Variants in PDGFD observed in about 807,000 individuals in gnomAD.
PDGFD encodes platelet-derived growth factor D.
A neutral mutation model predicts 44.7 loss-of-function variants in PDGFD; 30 were observed. The ratio of observed to expected loss-of-function variants is 0.67; its 90% CI spans 0.50 to 0.91. The LOEUF (loss-of-function observed/expected upper bound fraction) is 0.91, where lower values mean the gene tolerates loss of function less well. Among genes scored for constraint, PDGFD ranks in the 40% least tolerant of loss-of-function variants. PDGFD has a pLI of 0.00. For missense variants in PDGFD, 445 were observed against 457.8 expected, an observed-to-expected ratio of 0.97 and a Z score of 0.25; for synonymous variants, 173 against 168.4, an observed-to-expected ratio of 1.03 and a Z score of -0.21.
intron 1 of PDGFD, among the ~76,000 whole-genome samples, chr11:104,035,495 A>G (rs1056632900): frequency 6.8e-6 from 1 of 147,206 alleles, no homozygotes; most frequent in East Asian, 2.0e-4. Context: ...AAGTCAATTT[A>G]AAAAAAAAAA....
At chr11:104,100,784 G>T (rs1369906503) in intron 1 of PDGFD, among the ~76,000 whole-genome samples, 6 of 152,164 alleles carry the variant, frequency 3.9e-5, no homozygotes, top group Non-Finnish European at 7.3e-5. Context: ...TGGGATGCAA[G>T]ACTGGTTCAA....
At chr11:104,109,362 C>T (rs1359499164) in intron 1 of PDGFD, among the ~76,000 whole-genome samples, 1 of 152,024 alleles carries the variant, frequency 6.6e-6, no homozygotes, top group Non-Finnish European at 1.5e-5. Context: ...ATAAGTTAGG[C>T]ACAATAATAG....
intron 5 of PDGFD, among the ~76,000 whole-genome samples, chr11:103,932,205 T>C (rs1272196669): frequency 6.6e-6 from 1 of 152,150 alleles, no homozygotes; most frequent in Non-Finnish European, 1.5e-5. Flanking sequence ...TTTTACTTTT[T>C]GATGGTGCTT....
At chr11:103,952,300 T>C (rs1250719539) in intron 3 of PDGFD, among the ~76,000 whole-genome samples, 3 of 152,264 alleles carry the variant, frequency 2.0e-5, no homozygotes, top group Non-Finnish European at 4.4e-5. Flanking sequence ...AAAACATTTC[T>C]GTTCTTTGGT....
intron 1 of PDGFD, among the ~76,000 whole-genome samples, chr11:104,086,704 A>G (rs926562233): frequency 6.6e-6 from 1 of 152,228 alleles, no homozygotes; most frequent in Non-Finnish European, 1.5e-5. Context: ...CTTTTTTCCC[A>G]GGTCCTCATC....
intron 6 of PDGFD, among the ~76,000 whole-genome samples, chr11:103,922,306 A>G (rs545643): frequency 0.46 from 69,497 of 151,976 alleles, 16,534 homozygotes; most frequent in East Asian, 0.69. Context: ...TCCCTTTAAC[A>G]AAAATCACTA....
intron 1 of PDGFD, among the ~76,000 whole-genome samples, chr11:104,060,936 T>C (rs993540512): frequency 6.6e-6 from 1 of 152,218 alleles, no homozygotes; most frequent in Non-Finnish European, 1.5e-5. Context: ...GCAACCATCA[T>C]CACCAACTAT....
chr11:103,909,706 T>C lies in PDGFD; in HGVS notation c.1101A>G (p.Arg367=). The change falls in exon 7 of 7, where the codon AGA becomes AGG. Residue 367 remains arginine, a synonymous_variant. Coordinates refer to ENST00000393158, the MANE Select transcript of PDGFD (RefSeq NM_025208.5). ...HERCDCICSS[R]PPR is the part of the protein sequence containing the mutation. ...TGTGCACATTCTCTTATCGAGGTGG[T>C]CTTGAGCTGCAGATACAATCACATC... 6.2e-7 allele frequency: 1 copy of C among 1,614,072 alleles called. No individual in the cohort carries two copies. Among genetic ancestry groups the C allele is most frequent in the South Asian group, 1.1e-5 (1 of 91,076 alleles).
At chr11:104,119,230 TATATAATATATTA>T (rs1365500697) in intron 1 of PDGFD, among the ~76,000 whole-genome samples, 10 of 18,446 alleles carry the variant, frequency 5.4e-4, no homozygotes, top group Admixed American at 2.5e-3. Context: ...ATTGATATAA[TATATAATATATTA>T]ATATAATATA....
At chr11:103,943,268 G>A (rs1858614476) in intron 5 of PDGFD, among the ~76,000 whole-genome samples, 184 bp downstream of exon 5, 1 of 152,096 alleles carries the variant, frequency 6.6e-6, no homozygotes. Flanking sequence ...GGAACATTTT[G>A]GAGTTCAGAT....
At chr11:104,110,297 T>C (rs990952656) in intron 1 of PDGFD, among the ~76,000 whole-genome samples, 2 of 151,768 alleles carry the variant, frequency 1.3e-5, no homozygotes, top group Non-Finnish European at 2.9e-5. Context: ...CAATTGATGG[T>C]TTAAAAATTT....
intron 1 of PDGFD, among the ~76,000 whole-genome samples, chr11:104,140,439 C>T (rs1293386301): frequency 6.8e-6 from 1 of 148,080 alleles, no homozygotes; most frequent in Non-Finnish European, 1.5e-5. Flanking sequence ...TCCAACAATC[C>T]TCTGTGGCCA....
intron 1 of PDGFD, among the ~76,000 whole-genome samples, chr11:104,014,380 C>A (rs1275317401): frequency 1.3e-5 from 2 of 152,068 alleles, no homozygotes; most frequent in Admixed American, 1.3e-4. Context: ...CCTGCAGTAC[C>A]AGTGACTTGG....
At chr11:104,028,687 C>T (rs991071122) in intron 1 of PDGFD, among the ~76,000 whole-genome samples, 1 of 148,658 alleles carries the variant, frequency 6.7e-6, no homozygotes, top group African/African-American at 2.5e-5. Context: ...CCACCACAAC[C>T]CTGCATTCTA....
intron 6 of PDGFD, among the ~76,000 whole-genome samples, chr11:103,917,512 C>T (rs1288692267): frequency 6.6e-6 from 1 of 151,952 alleles, no homozygotes; most frequent in Non-Finnish European, 1.5e-5. Context: ...GTCCCATTTT[C>T]CTTTTAGATT....
intron 1 of PDGFD, among the ~76,000 whole-genome samples, chr11:104,004,381 C>A (rs1430815645): frequency 6.6e-6 from 1 of 152,122 alleles, no homozygotes; most frequent in Non-Finnish European, 1.5e-5. Context: ...CTAAACAATA[C>A]AGTATAACAA....
intron 5 of PDGFD, among the ~76,000 whole-genome samples, chr11:103,937,416 C>G (rs1038687219): frequency 6.6e-6 from 1 of 152,076 alleles, no homozygotes; most frequent in Admixed American, 6.6e-5. Flanking sequence ...CTCCATAAAT[C>G]ACCTCTCCGT....
chr11:104,144,534 C>A (rs887251957), intron 1 of PDGFD, among the ~76,000 whole-genome samples: 8,678 of 118,972 alleles, frequency 0.073, 429 homozygotes, highest in African/African-American at 0.13. Flanking sequence ...AAAAACCCAA[C>A]AAAACAAAAC....
At chr11:104,137,932 C>G (rs2202090) in intron 1 of PDGFD, among the ~76,000 whole-genome samples, 37,856 of 151,636 alleles carry the variant, frequency 0.25, 4,820 homozygotes, top group East Asian at 0.3. Context: ...AGTAGCTTTG[C>G]AGAGAAATGT....
Sources: allele counts gnomAD v4.1 joint callset (sites outside exome capture counted in the v4.1 genomes callset), GRCh38; gene constraint gnomAD v4.1.1; transcripts MANE v1.5; gene names NCBI Gene and HGNC (gene_info 2026-07-23, HGNC 2026-07-21).